Variants in GAS6 observed in about 807,000 individuals in gnomAD.
GAS6 encodes growth arrest specific 6, also known as growth arrest-specific protein 6.
A neutral mutation model predicts 75.8 loss-of-function variants in GAS6; 41 were observed. That is an observed-to-expected ratio of 0.54 (90% CI 0.42 to 0.70). The LOEUF (loss-of-function observed/expected upper bound fraction) is 0.70. Ranked by LOEUF, GAS6 falls within the 30% of genes least tolerant of loss-of-function variation. The probability of loss-of-function intolerance (pLI) is 0.00; values close to 1 mark genes in which losing one functional copy is unlikely to be tolerated. For missense variants in GAS6, 854 were observed against 940.2 expected (o/e 0.91, Z 1.20); for synonymous variants, 432 against 412.6 (o/e 1.05, Z -0.57).
At chr13:113,847,677 T>G in intron 3 of GAS6, 1 of 314,328 alleles carries the variant, frequency 3.2e-6, no homozygotes. Flanking sequence ...ATGGACCCCT[T>G]TGGGGTCCTC....
chr13:113,823,333 G>A (rs772561882), intron 13 of GAS6, 42 bp downstream of exon 13: 3 of 1,566,736 alleles, frequency 1.9e-6, no homozygotes, highest in East Asian at 2.3e-5. Context: ...ACGTACCCGT[G>A]GGTCGAGCCG....
At chr13:113,850,969 G>A (rs1220174805) in intron 2 of GAS6, among the ~76,000 whole-genome samples, 3 of 152,198 alleles carry the variant, frequency 2.0e-5, no homozygotes, top group African/African-American at 7.2e-5. Flanking sequence ...ATAAGTGAGT[G>A]GATGGGTGAA....
chr13:113,863,428 GAC>G lies in GAS6; in HGVS notation c.255+145_255+146del. The G allele has an allele frequency of 2.8e-6, 2 of 704,450 alleles. No individual in the cohort carries two copies. Among genetic ancestry groups the G allele is most frequent in the Non-Finnish European group, 4.0e-6 (2 of 497,880 alleles). The allele number at this position is 704,450 out of a possible 1,614,324, so 43.6% of individuals were successfully genotyped here. A position where few individuals can be genotyped will look rare whatever the true frequency, so the allele number is the denominator to read the frequency against. Reference sequence around the variant, plus strand: ...GGGTCGCCGGGGGATGGGCGTGGGGGACGCGGGGCGGGCCGGGGCTCCTGGGA... The same window carrying G: ...GGGTCGCCGGGGGATGGGCGTGGGGGGCGGGGCGGGCCGGGGCTCCTGGGA... On this transcript the variant is annotated intron_variant, in intron 2 of 14. Transcript: ENST00000327773. This position sits in a 1 kb window ranked among gnomAD's most constrained non-coding sequence, Gnocchi z 9.4.
chr13:113,850,904 C>T (rs936014856), intron 2 of GAS6, among the ~76,000 whole-genome samples: 1 of 151,584 alleles, frequency 6.6e-6, no homozygotes, highest in Non-Finnish European at 1.5e-5. Context: ...ATGAGTGAAT[C>T]GGTGGATAGA....
rs3209879 is a variant in GAS6, at chr13:113,820,657, C to T, written c.*207G>A. On this transcript the variant is annotated 3_prime_UTR_variant, in exon 15 of 15. Transcript: ENST00000327773. ...TTTTCTTCGAGCCCGCTCTGCGCTGCGCCGGCCTCCCCGCGCCCGGGCCCA... is the reference window on the plus strand; with the variant it reads ...TTTTCTTCGAGCCCGCTCTGCGCTGTGCCGGCCTCCCCGCGCCCGGGCCCA... 2.1e-5 allele frequency: 12 copies of T among 581,036 alleles called. No homozygotes were observed. The highest frequency in any genetic ancestry group is 3.0e-5 in the Non-Finnish European group (10 of 329,096). 36.0% of individuals were successfully genotyped at this position (581,036 alleles called of 1,614,324 possible).
At chr13:113,854,970 C>T (rs1290273889) in intron 2 of GAS6, among the ~76,000 whole-genome samples, 2 of 152,350 alleles carry the variant, frequency 1.3e-5, no homozygotes, top group South Asian at 2.1e-4. Context: ...ACCCCAGCCC[C>T]GGTGGCATCG....
At chr13:113,834,877 T>TA (rs2051682364) in intron 7 of GAS6, 1 of 448,446 alleles carries the variant, frequency 2.2e-6, no homozygotes, top group African/African-American at 2.0e-5. Context: ...GGCTCTTTCT[T>TA]GAGGGAATAA....
intron 12 of GAS6, 68 bp downstream of exon 12, chr13:113,826,927 CT>C: frequency 8.4e-7 from 1 of 1,188,016 alleles, no homozygotes. Flanking sequence ...AGGCCGTCTG[CT>C]TGCTTTCAGC....
At chr13:113,862,699 G>C (rs1422030791) in intron 2 of GAS6, among the ~76,000 whole-genome samples, 1 of 152,166 alleles carries the variant, frequency 6.6e-6, no homozygotes, top group Non-Finnish European at 1.5e-5. Flanking sequence ...AAATGTAAGC[G>C]GAAACAGGCC....
chr13:113,826,980 A>G lies in GAS6; in HGVS notation c.1477+16T>C, dbSNP rs761266266. The G allele has an allele frequency of 1.6e-5, 26 of 1,606,996 alleles. No homozygotes were observed. Among genetic ancestry groups the G allele is most frequent in the Non-Finnish European group, 2.2e-5 (26 of 1,176,982 alleles). On this transcript the variant is annotated intron_variant, in intron 12 of 14. Transcript: ENST00000327773. Reference sequence around the variant, plus strand: ...GTGCAGCCACAGCCACCCCAACGGTAAGAGCCAAGACTTACTGTAGTCCAG... The same window carrying G: ...GTGCAGCCACAGCCACCCCAACGGTGAGAGCCAAGACTTACTGTAGTCCAG...
chr13:113,833,977 C>G (rs1295349242), intron 8 of GAS6, among the ~76,000 whole-genome samples: 2 of 141,902 alleles, frequency 1.4e-5, no homozygotes, highest in East Asian at 4.3e-4. Flanking sequence ...GTGACAGGCC[C>G]CGGTGTGACA....
At chr13:113,847,974 C>A (rs1339619602) in intron 3 of GAS6, 52 bp downstream of exon 3, 1 of 1,541,258 alleles carries the variant, frequency 6.5e-7, no homozygotes, top group Non-Finnish European at 9.0e-7. Context: ...GAAACACGCA[C>A]CCCCAACTAT....
chr13:113,833,829 G>A (rs933429179), intron 8 of GAS6: 9 of 1,024,832 alleles, frequency 8.8e-6, no homozygotes, highest in Non-Finnish European at 9.4e-6. Context: ...CGGTGTGACA[G>A]GTCAGTGTGA....
chr13:113,836,046 T>A (rs2051699121), intron 6 of GAS6: 3 of 1,002,014 alleles, frequency 3.0e-6, no homozygotes, highest in Non-Finnish European at 3.6e-6. Flanking sequence ...TTCAATCAAT[T>A]TTCACTACCG....
intron 8 of GAS6, chr13:113,833,023 T>C: frequency 7.4e-7 from 1 of 1,354,424 alleles, no homozygotes; most frequent in Non-Finnish European, 9.5e-7. Context: ...CCCTTTATTT[T>C]TAAATTATGA....
At chr13:113,821,592 T>C (rs1313089818) in intron 14 of GAS6, 4 of 288,904 alleles carry the variant, frequency 1.4e-5, no homozygotes, top group Admixed American at 4.8e-5. Context: ...TGTTCGCTGC[T>C]AACAGCTGCG....
Position 113,837,987 on chromosome 13 carries a change from GC to G in GAS6, c.589+81del. ...AACCACAGGAACCCAGCCAGCAGCA[GC>G]CGCTTGCAGAAGAGCAGACATGACC... On this transcript the variant is annotated intron_variant, in intron 6 of 14. Coordinates refer to ENST00000327773, the MANE Select transcript of GAS6 (RefSeq NM_000820.4). The surrounding 1 kb of genome is among the most constrained non-coding windows in gnomAD (Gnocchi z 5.1). 2 of 1,548,096 alleles carry G rather than the reference GC, an allele frequency of 1.3e-6. No homozygotes were observed. Among genetic ancestry groups the G allele is most frequent in the Admixed American group, 3.5e-5 (2 of 57,458 alleles).
intron 11 of GAS6, among the ~76,000 whole-genome samples, chr13:113,828,089 C>T (rs866453558): frequency 7.2e-5 from 11 of 152,082 alleles, no homozygotes; most frequent in Admixed American, 6.5e-4. Flanking sequence ...CGGCGAAACC[C>T]CGTCTCTACT....
At chr13:113,850,836 AGATG>A (rs1048180182) in intron 2 of GAS6, among the ~76,000 whole-genome samples, 4 of 151,518 alleles carry the variant, frequency 2.6e-5, no homozygotes, top group Non-Finnish European at 5.9e-5. Flanking sequence ...ATAGATGGAT[AGATG>A]GATGGATAGA....
Sources: gnomAD v4.1 joint callset for allele counts (sites outside exome capture counted in the v4.1 genomes callset) on GRCh38, gnomAD v4.1.1 for gene constraint, Gnocchi (gnomAD v3.1) non-coding constraint, MANE v1.5 for transcripts, NCBI Gene and HGNC (gene_info 2026-07-23, HGNC 2026-07-21) for gene names.